Variants in PLEKHG6 observed in about 807,000 individuals in gnomAD.
The protein encoded by PLEKHG6 is pleckstrin homology and RhoGEF domain containing G6.
PLEKHG6 carries 91 observed loss-of-function variants against 97.5 expected under a neutral mutation model. That is an observed-to-expected ratio of 0.93 (90% CI 0.79 to 1.11). PLEKHG6 has a LOEUF of 1.11. PLEKHG6 is among the 50% of genes most tolerant of loss of function. PLEKHG6 has a pLI of 0.00. For missense variants in PLEKHG6, 1,044 were observed against 1,031.0 expected (o/e 1.01, Z -0.17); for synonymous variants, 466 against 425.5 (o/e 1.10, Z -1.17).
rs1162798510 is a variant in PLEKHG6 at position 6,316,382 on chromosome 12, G to A, written c.734G>A (p.Gly245Asp). The change falls in exon 7 of 16, where the codon GGT becomes GAT. Residue 245 changes from glycine (G) to aspartate (D), a missense_variant. Transcript: ENST00000684764. This position sits in a 1 kb window ranked among gnomAD's most constrained non-coding sequence, Gnocchi z 4.1. ...TCGGGCCAGCCTCTGGACCCCATTG[G>A]TCTGCAAAGTGGCTTCCTGACGGTG... ...RASGQPLDPI[G>D]LQSGFLTFGQ... 6.4e-7 allele frequency: 1 copy of A among 1,573,836 alleles called. No homozygotes were observed. Among genetic ancestry groups the A allele is most frequent in the Admixed American group, 1.9e-5 (1 of 54,012 alleles).
In PLEKHG6 at chr12:6,315,832, G is replaced by C; in HGVS notation, c.556-37G>C. ...TGGGAGGTGACGACACTGAAGGGCTGCGCTGGGTCCTGAGACCCTCGTCTC... is the reference window on the plus strand; with the variant it reads ...TGGGAGGTGACGACACTGAAGGGCTCCGCTGGGTCCTGAGACCCTCGTCTC... On this transcript the variant is annotated intron_variant, in intron 5 of 15. Coordinates refer to ENST00000684764, the MANE Select transcript of PLEKHG6 (RefSeq NM_001384598.1). This position sits in a 1 kb window ranked among gnomAD's most constrained non-coding sequence, Gnocchi z 4.5. 1 of 1,538,298 alleles carries C rather than the reference G, an allele frequency of 6.5e-7. No individual in the cohort carries two copies. The highest frequency in any genetic ancestry group is 8.8e-7 in the Non-Finnish European group (1 of 1,137,460).
chr12:6,313,554 C>A, intron 2 of PLEKHG6, 75 bp from the exon 3 acceptor site: 1 of 1,541,114 alleles, frequency 6.5e-7, no homozygotes. Flanking sequence ...AGAGCCAAGC[C>A]TGCCCCCCTA....
chr12:6,316,684 A>G lies in PLEKHG6; in HGVS notation c.756+280A>G, dbSNP rs1204821164. Among the ~76,000 whole-genome samples, 3 of 151,526 alleles carry G rather than the reference A, an allele frequency of 2.0e-5. No homozygotes were observed. Among genetic ancestry groups the G allele is most frequent in the African/African-American group, 4.9e-5 (2 of 41,162 alleles). ...CCCATCAACTACAAAAGCTGGGTGC[A>G]GCAAATGAGGCCTAAGTGAGGGGAC... is the stretch of plus-strand genomic sequence containing the variant. On this transcript the variant is annotated intron_variant, in intron 7 of 15. Transcript: ENST00000684764. This position sits in a 1 kb window ranked among gnomAD's most constrained non-coding sequence, Gnocchi z 4.1.
At chr12:6,319,837 G>A (rs1041727831) in intron 13 of PLEKHG6, 2 of 185,738 alleles carry the variant, frequency 1.1e-5, no homozygotes, top group Non-Finnish European at 2.0e-5. Flanking sequence ...CAGCCTGGTT[G>A]AGTAATTAGT....
rs1343381164 is a variant in PLEKHG6 at position 6,316,814 on chromosome 12, C to T, written c.756+410C>T. ...GGGCCTAGGATCCGACTTTCTTCTACAATGTTACCTAGCCAGGAAAATGTG... is the reference window on the plus strand; with the variant it reads ...GGGCCTAGGATCCGACTTTCTTCTATAATGTTACCTAGCCAGGAAAATGTG... On this transcript the variant is annotated intron_variant, in intron 7 of 15. Coordinates refer to ENST00000684764, the MANE Select transcript of PLEKHG6 (RefSeq NM_001384598.1). This position sits in a 1 kb window ranked among gnomAD's most constrained non-coding sequence, Gnocchi z 4.1. 6.6e-6 allele frequency among the ~76,000 whole-genome samples: 1 copy of T among 152,162 alleles called. No homozygotes were observed. Among genetic ancestry groups the T allele is most frequent in the African/African-American group, 2.4e-5 (1 of 41,426 alleles).
At position 6,328,374 on chromosome 12, in the gene PLEKHG6, G is replaced by T; in HGVS notation, c.*229G>T. 1 of 510,590 alleles carries T rather than the reference G, an allele frequency of 2.0e-6. No individual in the cohort carries two copies. The highest frequency in any genetic ancestry group is 3.5e-6 in the Non-Finnish European group (1 of 287,612). 31.6% of individuals were successfully genotyped at this position (510,590 alleles called of 1,614,324 possible). A position where few individuals can be genotyped will look rare whatever the true frequency, so the allele number is the denominator to read the frequency against. ...GTTGTGCATAAAAATGACTGCCCTG[G>T]CTGGGCATGGCTGCCTGTAATCCCA... On this transcript the variant is annotated 3_prime_UTR_variant, in exon 16 of 16. Transcript: ENST00000684764.
At position 6,315,740 on chromosome 12, in the gene PLEKHG6, G is replaced by T; in HGVS notation, c.555+91G>T. The T allele has an allele frequency of 8.3e-7, 1 of 1,211,586 alleles. No individual in the cohort carries two copies. Among genetic ancestry groups the T allele is most frequent in the South Asian group, 1.4e-5 (1 of 69,848 alleles). 75.1% of individuals were successfully genotyped at this position (1,211,586 alleles called of 1,614,324 possible). ...GGAAGGCAGGTCACTGGGGGAGGGA[G>T]GGGCAGGATTTCAGGCCAGTCTGGG... On this transcript the variant is annotated intron_variant, in intron 5 of 15. Coordinates refer to ENST00000684764, the MANE Select transcript of PLEKHG6 (RefSeq NM_001384598.1). The surrounding 1 kb of genome is among the most constrained non-coding windows in gnomAD (Gnocchi z 4.5).
At chr12:6,312,050 C>T (rs1408716961) in intron 1 of PLEKHG6, 109 bp from the exon 2 acceptor site, 5 of 500,354 alleles carry the variant, frequency 1.0e-5, no homozygotes, top group African/African-American at 8.1e-5. Context: ...TTGGCCCTCT[C>T]CTCCCCCACT....
At chr12:6,318,170 G>A in intron 10 of PLEKHG6, 131 bp from the exon 11 acceptor site, 4 of 1,471,452 alleles carry the variant, frequency 2.7e-6, no homozygotes, top group Non-Finnish European at 3.7e-6. Flanking sequence ...GAGGCCCTGG[G>A]AGGCTTTCTC....
rs1336179165 is a variant in PLEKHG6, at chr12:6,312,296, G to C, written c.70G>C (p.Gly24Arg). The change falls in exon 2 of 16, where the codon GGG becomes CGG. Residue 24 changes from glycine (G) to arginine (R), a missense_variant. Coordinates refer to ENST00000684764, the MANE Select transcript of PLEKHG6 (RefSeq NM_001384598.1). ...CGTGGCCTCCCGCATTGAGACTTAT[G>C]GGGGCCGGCATCGAGCCTCTGCTCA... ...GLVASRIETY[G>R]GRHRASAQST... The C allele has an allele frequency of 6.4e-7, 1 of 1,565,186 alleles. No homozygotes were observed.
chr12:6,326,611 G>T, intron 14 of PLEKHG6, 38 bp downstream of exon 14: 1 of 1,425,106 alleles, frequency 7.0e-7, no homozygotes. Flanking sequence ...CCCCGAGCAG[G>T]AGGAGGGAGC....
Position 6,317,616 on chromosome 12 carries a change from A to G in PLEKHG6, c.937A>G (p.Ile313Val), listed in dbSNP as rs1157285984. The G allele has an allele frequency of 1.2e-6, 2 of 1,614,008 alleles. No individual in the cohort carries two copies. Among genetic ancestry groups the G allele is most frequent in the Admixed American group, 1.7e-5 (1 of 60,024 alleles). Residue 313 changes from isoleucine (I) to valine (V), a missense_variant, in exon 9 of 16, where the codon ATC becomes GTC. Physicochemically the swap from Ile to Val is conservative, Grantham distance 29 (BLOSUM62 3). Transcript: ENST00000684764. ...CDLLIKPHQR[I>V]TKYPLLLHAV... ...CTTGCTTATCAAGCCCCACCAGCGC[A>G]TCACCAAGTACCCACTGCTGCTCCA...
Position 6,321,813 on chromosome 12 carries a change from C to A in PLEKHG6, c.1524+2705C>A, listed in dbSNP as rs1194453693. On this transcript the variant is annotated intron_variant, in intron 13 of 15. Coordinates refer to ENST00000684764, the MANE Select transcript of PLEKHG6 (RefSeq NM_001384598.1). The stretch of plus-strand genomic sequence containing the variant: ...CTGCACTCCAGCCTGGGCGACAGAG[C>A]GAGACTCTGTCTTAAAAAAAAAAAA... Among the ~76,000 whole-genome samples, 4 of 88,098 alleles carry A rather than the reference C, an allele frequency of 4.5e-5. No individual in the cohort carries two copies. In the East Asian group the frequency reaches 7.7e-4, roughly 17 times the overall value. The allele number at this position is 88,098 out of a possible 152,430, so 57.8% of individuals were successfully genotyped here. A position where few individuals can be genotyped will look rare whatever the true frequency, so the allele number is the denominator to read the frequency against.
chr12:6,315,705 C>A lies in PLEKHG6; in HGVS notation c.555+56C>A. The A allele has an allele frequency of 7.8e-7, 1 of 1,289,448 alleles. No individual in the cohort carries two copies. The highest frequency in any genetic ancestry group is 1.1e-6 in the Non-Finnish European group (1 of 919,852). 79.9% of individuals were successfully genotyped at this position (1,289,448 alleles called of 1,614,324 possible). A position where few individuals can be genotyped will look rare whatever the true frequency, so the allele number is the denominator to read the frequency against. On this transcript the variant is annotated intron_variant, in intron 5 of 15. Transcript: ENST00000684764. This position sits in a 1 kb window ranked among gnomAD's most constrained non-coding sequence, Gnocchi z 4.5. ...CATCTTCCCTGCATGAGCCCCCATC[C>A]TCCCAGACTGGAAGGCAGGTCACTG...
intron 3 of PLEKHG6, among the ~76,000 whole-genome samples, chr12:6,314,291 T>C (rs1947374425): frequency 6.6e-6 from 1 of 151,998 alleles, no homozygotes; most frequent in Non-Finnish European, 1.5e-5. Context: ...TCACCTGAGG[T>C]CAGGAGTTCG....
rs994602127 is a variant in PLEKHG6 at position 6,313,657 on chromosome 12, A to G, written c.167A>G (p.Tyr56Cys). 5.0e-6 allele frequency: 8 copies of G among 1,613,938 alleles called. No individual in the cohort carries two copies. The African/African-American group carries it at 8.0e-5, about 16-fold the overall frequency. The change falls in exon 3 of 16, where the codon TAT becomes TGT. Residue 56 changes from tyrosine (Y) to cysteine (C), a missense_variant. Coordinates refer to ENST00000684764, the MANE Select transcript of PLEKHG6 (RefSeq NM_001384598.1). ...LDPSRRRLQQ[Y>C]VPFARGSGQA... ...CCCAGTCGCCGACGCCTCCAGCAGTATGTCCCCTTTGCCAGGGGTTCTGGC... is the reference window on the plus strand; with the variant it reads ...CCCAGTCGCCGACGCCTCCAGCAGTGTGTCCCCTTTGCCAGGGGTTCTGGC...
chr12:6,317,529 C>T lies in PLEKHG6; in HGVS notation c.868-18C>T. The T allele has an allele frequency of 6.2e-7, 1 of 1,612,740 alleles. No homozygotes were observed. Among genetic ancestry groups the T allele is most frequent in the South Asian group, 1.1e-5 (1 of 90,912 alleles). ...GCAGGAGGGAGCAAACCCTGAGCCC[C>T]ACCCACCTTCCCTGCAGTGGTGTGA... On this transcript the variant is annotated intron_variant, in intron 8 of 15. Transcript: ENST00000684764.
At position 6,319,109 on chromosome 12, in the gene PLEKHG6, G is replaced by C; in HGVS notation, c.1524+1G>C. On this transcript the variant is annotated splice_donor_variant, in intron 13 of 15. Coordinates refer to ENST00000684764, the MANE Select transcript of PLEKHG6 (RefSeq NM_001384598.1). LOFTEE classifies it high-confidence loss of function. ...GCTGGAGAAGACCCAGCAGGCCCAG[G>C]TATGGGAAAGCCAGCAACGGGGAGG... 1 of 1,598,726 alleles carries C rather than the reference G, an allele frequency of 6.3e-7. No homozygotes were observed. Among genetic ancestry groups the C allele is most frequent in the Non-Finnish European group, 8.6e-7 (1 of 1,168,292 alleles).
intron 2 of PLEKHG6, chr12:6,313,107 T>C (rs1947329369): frequency 1.3e-6 from 2 of 1,538,448 alleles, no homozygotes; most frequent in Non-Finnish European, 8.8e-7. Context: ...GGCTGTGGCT[T>C]CAGCCTTTCA....
Sources: gnomAD v4.1 joint callset for allele counts (sites outside exome capture counted in the v4.1 genomes callset) on GRCh38, gnomAD v4.1.1 for gene constraint, Gnocchi (gnomAD v3.1) non-coding constraint, MANE v1.5 for transcripts, NCBI Gene and HGNC (gene_info 2026-07-23, HGNC 2026-07-21) for gene names.